The following UBP1 variants were observed in gnomAD, a reference collection of about 807,000 sequenced individuals.
The protein encoded by UBP1 is upstream-binding protein 1.
In UBP1, 22 loss-of-function variants were observed where a neutral mutation model predicts 76.1. The ratio of observed to expected loss-of-function variants is 0.29; its 90% CI spans 0.21 to 0.41. UBP1 has a LOEUF of 0.41. UBP1 is among the 10% of genes least tolerant of loss of function. The pLI is 1.00. For missense variants in UBP1, 436 were observed against 668.1 expected, an observed-to-expected ratio of 0.65 and a Z score of 3.83; for synonymous variants, 224 against 237.1, an observed-to-expected ratio of 0.94 and a Z score of 0.51.
intron 11 of UBP1, chr3:33,398,531 T>C (rs2044096883): frequency 6.6e-6 from 1 of 152,470 alleles, no homozygotes; most frequent in Admixed American, 6.5e-5. Context: ...GAAATGTGAA[T>C]GCCCCCAAGG....
intron 12 of UBP1, chr3:33,396,524 A>G (rs1053689697): frequency 2.1e-6 from 1 of 486,226 alleles, no homozygotes; most frequent in African/African-American, 1.9e-5. Flanking sequence ...ATGCTGGTAA[A>G]TTTAAGTTTC....
chr3:33,395,750 GAAAA>G (rs61654235), intron 13 of UBP1, among the ~76,000 whole-genome samples: 28 of 69,794 alleles, frequency 4.0e-4, no homozygotes, highest in African/African-American at 5.6e-4. Context: ...CAGGAAAATT[GAAAA>G]AAAAAAAAAA....
At chr3:33,409,090 A>T in intron 7 of UBP1, 146 bp downstream of exon 7, 2 of 812,002 alleles carry the variant, frequency 2.5e-6, no homozygotes, top group South Asian at 3.6e-5. Flanking sequence ...CCAAATTTAA[A>T]TATTTTCCCC....
intron 1 of UBP1, 136 bp from the exon 2 acceptor site, chr3:33,425,877 AG>A: frequency 1.3e-6 from 1 of 756,438 alleles, no homozygotes; most frequent in Non-Finnish European, 1.9e-6. Flanking sequence ...TTTTTTTTTA[AG>A]ATCAGAAATT....
chr3:33,428,223 TAA>T (rs1237447312), intron 1 of UBP1, among the ~76,000 whole-genome samples: 1 of 149,232 alleles, frequency 6.7e-6, no homozygotes, highest in Non-Finnish European at 1.5e-5. Flanking sequence ...CACCTCTTTA[TAA>T]AAATCAGTCA....
Position 33,409,543 on chromosome 3 carries a change from G to C in UBP1, c.614C>G (p.Pro205Arg). 1.2e-6 allele frequency: 2 copies of C among 1,614,054 alleles called. No homozygotes were observed. The highest frequency in any genetic ancestry group is 1.1e-5 in the South Asian group (1 of 91,058). Residue 205 changes from proline (P) to arginine (R), a missense_variant, in exon 6 of 16, where the codon CCC (proline) becomes CGC (arginine). Coordinates refer to ENST00000283629, the MANE Select transcript of UBP1 (RefSeq NM_014517.5). ...PRKHGGEKGV[P>R]FRIQVDTFKQ... ...AAAGGTGTCAACCTGGATCCTAAAG[G>C]GCACTCCCTTTTCACCTCCGTGCTT...
chr3:33,403,796 G>C (rs1176920572), intron 8 of UBP1: 2 of 152,166 alleles, frequency 1.3e-5, no homozygotes, highest in African/African-American at 4.8e-5. Flanking sequence ...CTTCAGACTT[G>C]AGATACAGAC....
intron 8 of UBP1, chr3:33,403,502 ATCTATCTATCTG>A (rs143169995): frequency 0.56 from 84,957 of 151,690 alleles, 25,997 homozygotes; most frequent in Non-Finnish European, 0.7. Flanking sequence ...CTATCTATCT[ATCTATCTATCTG>A]TCTGTCTGTC....
At chr3:33,403,500 C>CT (rs1259325806) in intron 8 of UBP1, 1 of 96,482 alleles carries the variant, frequency 1.0e-5, no homozygotes, top group Admixed American at 8.9e-5. Context: ...ATCTATCTAT[C>CT]TATCTATCTA....
chr3:33,441,115 A>G (rs1283016286), upstream of UBP1, among the ~76,000 whole-genome samples: 1 of 152,290 alleles, frequency 6.6e-6, no homozygotes, highest in Non-Finnish European at 1.5e-5. Context: ...GGACCGAACC[A>G]TTAGGACGTG....
chr3:33,423,318 C>T (rs1416713971), intron 2 of UBP1, among the ~76,000 whole-genome samples: 2 of 151,884 alleles, frequency 1.3e-5, no homozygotes, highest in African/African-American at 2.4e-5. Flanking sequence ...GGATTACAGG[C>T]GTGAGCCATC....
chr3:33,440,052 G>C lies in UBP1; in HGVS notation c.-204C>G. ...CCCAGCGAGCAATTGCAGCGGGAGC[G>C]GCCGGGCCGCCGGCAGCGCCACCCT... On this transcript the variant is annotated 5_prime_UTR_variant, in exon 1 of 16. Transcript: ENST00000283629. 1 of 490,246 alleles carries C rather than the reference G, an allele frequency of 2.0e-6. No individual in the cohort carries two copies. The highest frequency in any genetic ancestry group is 3.5e-6 in the Non-Finnish European group (1 of 287,928). The allele number at this position is 490,246 out of a possible 1,614,324, so 30.4% of individuals were successfully genotyped here.
At position 33,425,609 on chromosome 3, in the gene UBP1, C is replaced by T. The variant is rs945405386; in HGVS notation, c.246G>A (p.Thr82=). Residue 82 remains threonine (T), a synonymous_variant, in exon 2 of 16, where the codon ACG becomes ACA. Coordinates refer to ENST00000283629, the MANE Select transcript of UBP1 (RefSeq NM_014517.5). ...ACTAACCTTGGTTCAAATAAGTAAG[C>T]GTTTCATCATGCAGTTTTACTGCTG... ...TSPAVKLHDE[T]LTYLNQGQSY... The T allele has an allele frequency of 1.9e-6, 3 of 1,558,768 alleles. No individual in the cohort carries two copies. The highest frequency in any genetic ancestry group is 1.2e-5 in the South Asian group (1 of 84,122).
intron 11 of UBP1, among the ~76,000 whole-genome samples, chr3:33,399,931 C>A (rs543223780): frequency 2.6e-5 from 4 of 152,260 alleles, no homozygotes; most frequent in African/African-American, 7.2e-5. Context: ...AAACTATATA[C>A]ACCTACACAC....
chr3:33,413,972 A>G (rs1431332159), intron 3 of UBP1, among the ~76,000 whole-genome samples: 4 of 152,342 alleles, frequency 2.6e-5, no homozygotes, highest in Non-Finnish European at 5.9e-5. Context: ...CACAGTTCTA[A>G]TTGTTCCATA....
intron 1 of UBP1, among the ~76,000 whole-genome samples, chr3:33,427,629 G>A (rs375054541): frequency 4.6e-5 from 7 of 152,294 alleles, no homozygotes; most frequent in African/African-American, 1.4e-4. Context: ...AACCCTGGGA[G>A]AGAACGTTAT....
chr3:33,409,145 C>T, intron 7 of UBP1, 91 bp downstream of exon 7: 1 of 1,271,358 alleles, frequency 7.9e-7, no homozygotes, highest in Non-Finnish European at 1.1e-6. Context: ...ACCCAATCTT[C>T]CCCAACCCTT....
chr3:33,414,800 G>A (rs755687859), intron 3 of UBP1, among the ~76,000 whole-genome samples: 3 of 152,096 alleles, frequency 2.0e-5, no homozygotes, highest in Non-Finnish European at 2.9e-5. Context: ...TGAAGCCAAT[G>A]TAAAATGCTT....
At chr3:33,423,408 C>CT (rs1287934661) in intron 2 of UBP1, among the ~76,000 whole-genome samples, 1 of 152,078 alleles carries the variant, frequency 6.6e-6, no homozygotes, top group Non-Finnish European at 1.5e-5. Flanking sequence ...AGCTTTCTAC[C>CT]TTTTTTCTGA....
Sources: gnomAD v4.1 joint callset for allele counts (sites outside exome capture counted in the v4.1 genomes callset) on GRCh38, gnomAD v4.1.1 for gene constraint, MANE v1.5 for transcripts, NCBI Gene and HGNC (gene_info 2026-07-23, HGNC 2026-07-21) for gene names.